FRY: variants seen among roughly 807,000 people sequenced by gnomAD.
FRY encodes FRY microtubule binding protein, also known as protein furry homolog.
Under a neutral mutation model 348.4 loss-of-function variants are expected in FRY, and 128 were observed. The observed-to-expected ratio is 0.37, with a 90% CI of 0.32 to 0.43. FRY has a LOEUF of 0.43. FRY is among the 20% of genes least tolerant of loss of function. FRY has a pLI of 1.00. For missense variants in FRY, 2,736 were observed against 3,695.2 expected (o/e 0.74, Z 6.73); for synonymous variants, 1,370 against 1,374.7 (o/e 1.00, Z 0.08).
chr13:32,062,737 T>A (rs770532709), intron 1 of FRY, among the ~76,000 whole-genome samples: 1 of 152,176 alleles, frequency 6.6e-6, no homozygotes, highest in Non-Finnish European at 1.5e-5. Flanking sequence ...CTGAAAAAGA[T>A]TTCACTTATT....
intron 1 of FRY, among the ~76,000 whole-genome samples, chr13:32,036,271 A>T (rs1165518104): frequency 6.6e-6 from 1 of 152,170 alleles, no homozygotes; most frequent in Non-Finnish European, 1.5e-5. Context: ...GGGTTCTTTA[A>T]ATAGAGGAAG....
At chr13:32,217,255 T>C (rs750145149) in intron 35 of FRY, among the ~76,000 whole-genome samples, 36 of 152,212 alleles carry the variant, frequency 2.4e-4, no homozygotes, top group Non-Finnish European at 4.9e-4. Context: ...TTGTTTTGGC[T>C]ACATATATAT....
At chr13:32,092,417 TGTGAA>T (rs1396262121) in intron 2 of FRY, among the ~76,000 whole-genome samples, 3 of 152,218 alleles carry the variant, frequency 2.0e-5, no homozygotes, top group African/African-American at 7.2e-5. Context: ...ATGAAAAGAT[TGTGAA>T]GTGAAGATGT....
At chr13:32,032,450 C>T (rs1316442459) in intron 1 of FRY, among the ~76,000 whole-genome samples, 1 of 152,140 alleles carries the variant, frequency 6.6e-6, no homozygotes, top group Non-Finnish European at 1.5e-5. Context: ...GTTCTGAATG[C>T]CATTTAATAT....
In FRY at chr13:32,173,282, G is replaced by T. The variant is rs1383325084; in HGVS notation, c.2152-85G>T. On this transcript the variant is annotated intron_variant, in intron 18 of 60. Coordinates refer to ENST00000542859, the MANE Select transcript of FRY (RefSeq NM_023037.3). ...TATTTTAATATTTACAAGGTCAAATGTGCAAAAAATATGTAAAACATGAGT... is the reference window on the plus strand; with the variant it reads ...TATTTTAATATTTACAAGGTCAAATTTGCAAAAAATATGTAAAACATGAGT... 2.9e-6 allele frequency: 3 copies of T among 1,018,116 alleles called. No homozygotes were observed. In the South Asian group the frequency reaches 3.9e-5, roughly 13 times the overall value. The allele number at this position is 1,018,116 out of a possible 1,614,324, so 63.1% of individuals were successfully genotyped here.
intron 33 of FRY, among the ~76,000 whole-genome samples, chr13:32,210,340 C>T (rs1278897162): frequency 6.6e-6 from 1 of 152,158 alleles, no homozygotes; most frequent in Non-Finnish European, 1.5e-5. Context: ...GCCTTGAGTC[C>T]ACATAAGCCT....
chr13:32,103,919 C>T (rs190603846), intron 3 of FRY, among the ~76,000 whole-genome samples: 486 of 152,026 alleles, frequency 3.2e-3, no homozygotes, highest in Non-Finnish European at 4.8e-3. Context: ...GCCGAGTTCA[C>T]GCCACTGCAC....
chr13:32,291,413 T>G (rs1889352934), intron 59 of FRY, among the ~76,000 whole-genome samples: 1 of 151,658 alleles, frequency 6.6e-6, no homozygotes, highest in Non-Finnish European at 1.5e-5. Context: ...TTTTTTTTTT[T>G]TCTTTTTTCG....
intron 58 of FRY, among the ~76,000 whole-genome samples, chr13:32,283,586 T>TGAA (rs1306251549): frequency 6.6e-6 from 1 of 152,242 alleles, no homozygotes; most frequent in African/African-American, 2.4e-5. Context: ...AGGAAAATTC[T>TGAA]CAGCGCATGT....
intron 2 of FRY, among the ~76,000 whole-genome samples, chr13:32,088,801 T>C (rs1432754748): frequency 2.6e-5 from 4 of 152,258 alleles, no homozygotes; most frequent in Non-Finnish European, 5.9e-5. Flanking sequence ...CCATAATTTT[T>C]ATTTTTATTT....
chr13:32,133,282 A>G (rs1253253408), intron 8 of FRY, among the ~76,000 whole-genome samples: 2 of 152,190 alleles, frequency 1.3e-5, no homozygotes, highest in Non-Finnish European at 2.9e-5. Flanking sequence ...GGCATTTACC[A>G]GCTCTGTGAC....
chr13:32,258,089 G>T, intron 51 of FRY: 1 of 797,950 alleles, frequency 1.3e-6, no homozygotes, highest in Admixed American at 2.0e-5. Flanking sequence ...TTATTTGCGT[G>T]CATATTTCCA....
intron 47 of FRY, among the ~76,000 whole-genome samples, chr13:32,246,028 G>A (rs1886776337): frequency 6.6e-6 from 1 of 152,174 alleles, no homozygotes; most frequent in South Asian, 2.1e-4. Flanking sequence ...CACCACATAG[G>A]GTAGGCAGTC....
chr13:32,061,181 T>C, intron 1 of FRY: 1 of 533,000 alleles, frequency 1.9e-6, no homozygotes, highest in Non-Finnish European at 3.9e-6. Context: ...TGAAAGGCTG[T>C]TAATATGTGT....
intron 28 of FRY, among the ~76,000 whole-genome samples, chr13:32,191,489 G>A (rs1053374204): frequency 4.6e-5 from 7 of 152,128 alleles, no homozygotes; most frequent in East Asian, 1.9e-4. Context: ...GCAGTTCACC[G>A]AAGAGGTTAT....
At chr13:32,270,350 G>T (rs1888144279) in intron 55 of FRY, among the ~76,000 whole-genome samples, 1 of 151,840 alleles carries the variant, frequency 6.6e-6, no homozygotes, top group Non-Finnish European at 1.5e-5. Flanking sequence ...TGGGATTATA[G>T]GCATGCACCA....
chr13:32,093,626 G>T (rs1434895968), intron 2 of FRY, among the ~76,000 whole-genome samples: 1 of 152,210 alleles, frequency 6.6e-6, no homozygotes, highest in Non-Finnish European at 1.5e-5. Context: ...TCTTCCATCA[G>T]AAGGGACGTA....
chr13:32,254,331 C>A lies in FRY; in HGVS notation c.7353C>A (p.Ser2451Arg). 1 of 1,613,984 alleles carries A rather than the reference C, an allele frequency of 6.2e-7. No homozygotes were observed. Among genetic ancestry groups the A allele is most frequent in the Non-Finnish European group, 8.5e-7 (1 of 1,179,938 alleles). ...AGGAGAACATGGATGACACAAACAG[C>A]GAGCAGCAGTTTAGAGTCTTCAGAG... Reference protein sequence around the residue: ...REQENMDDTNSEQQFRVFRDF... With the variant: ...REQENMDDTNREQQFRVFRDF... Residue 2451 changes from serine (S) to arginine (R), a missense_variant, in exon 51 of 61, where the codon AGC becomes AGA. By Grantham distance (110) the Ser-to-Arg change is moderately radical. This residue lies in a region of FRY where 789 missense variants were observed against 996.2 expected (regional missense o/e 0.79). Transcript: ENST00000542859.
intron 54 of FRY, 39 bp downstream of exon 54, chr13:32,265,655 G>T (rs769814792): frequency 3.2e-6 from 5 of 1,571,610 alleles, no homozygotes; most frequent in Non-Finnish European, 4.4e-6. Flanking sequence ...GTGTGAATGT[G>T]CATGGTACAT....
Sources: allele counts gnomAD v4.1 joint callset (sites outside exome capture counted in the v4.1 genomes callset), GRCh38; gene constraint gnomAD v4.1.1; regional missense constraint gnomAD v4.1.1; transcripts MANE v1.5; gene names NCBI Gene and HGNC (gene_info 2026-07-23, HGNC 2026-07-21).